The following VPS53 variants were observed in gnomAD, a reference collection of about 807,000 sequenced individuals.
VPS53 encodes the protein vacuolar protein sorting-associated protein 53 homolog.
Under a neutral mutation model 107.0 loss-of-function variants are expected in VPS53, and 70 were observed. That is an observed-to-expected ratio of 0.65 (90% CI 0.54 to 0.80). The LOEUF is 0.80. Among genes scored for constraint, VPS53 ranks in the 30% least tolerant of loss-of-function variants. The pLI is 0.00. For missense variants in VPS53, 917 were observed against 1,049.4 expected, an observed-to-expected ratio of 0.87 and a Z score of 1.74; for synonymous variants, 409 against 393.3, an observed-to-expected ratio of 1.04 and a Z score of -0.47.
At chr17:560,602 C>T (rs1182503577) in intron 14 of VPS53, 29 bp from the exon 15 acceptor site, 8 of 1,600,066 alleles carry the variant, frequency 5.0e-6, no homozygotes, top group African/African-American at 2.7e-5. Flanking sequence ...AACAAGTCAG[C>T]ATGGAATTTC....
At chr17:587,737 G>A (rs16953805) in intron 12 of VPS53, among the ~76,000 whole-genome samples, 7,314 of 152,120 alleles carry the variant, frequency 0.048, 262 homozygotes, top group Middle Eastern at 0.15. Context: ...AAATGACCCT[G>A]AGCCAAACAC....
intron 11 of VPS53, among the ~76,000 whole-genome samples, chr17:605,967 T>C (rs950443504): frequency 2.6e-5 from 4 of 152,034 alleles, no homozygotes; most frequent in Non-Finnish European, 5.9e-5. Flanking sequence ...TCCACTGCTG[T>C]AGGGGAATGG....
chr17:557,855 C>CTTTT (rs773408955), intron 15 of VPS53, among the ~76,000 whole-genome samples: 1 of 125,624 alleles, frequency 8.0e-6, no homozygotes, highest in African/African-American at 2.9e-5. Context: ...TAAGGATTAT[C>CTTTT]TTTTTTTTTT....
At chr17:613,357 T>C (rs1485528180) in intron 11 of VPS53, among the ~76,000 whole-genome samples, 1 of 151,614 alleles carries the variant, frequency 6.6e-6, no homozygotes, top group African/African-American at 2.4e-5. Flanking sequence ...GTTCACACAG[T>C]GAAAACCTGC....
chr17:628,108 G>C lies in VPS53; in HGVS notation c.811C>G (p.Leu271Val). 1 of 1,612,358 alleles carries C rather than the reference G, an allele frequency of 6.2e-7. No homozygotes were observed. Among genetic ancestry groups the C allele is most frequent in the Non-Finnish European group, 8.5e-7 (1 of 1,179,538 alleles). Residue 271 changes from leucine (L) to valine (V), a missense_variant, in exon 9 of 22, where the codon CTT becomes GTT. Transcript: ENST00000437048. ...IKQHLSEYLVLFQENQDVAWL... is the reference protein window; with the variant it reads ...IKQHLSEYLVVFQENQDVAWL... ...CTCACATCTTGGTTTTCTTGAAAAA[G>C]TACCAGATACTCTGACAGATGCTGT... is the stretch of plus-strand genomic sequence containing the variant.
At chr17:655,458 G>A (rs1971150168) in intron 6 of VPS53, among the ~76,000 whole-genome samples, 1 of 152,098 alleles carries the variant, frequency 6.6e-6, no homozygotes, top group Non-Finnish European at 1.5e-5. Context: ...TGTCTGCCTG[G>A]AGTGAATATG....
At chr17:682,124 A>T (rs1425102344) in intron 4 of VPS53, among the ~76,000 whole-genome samples, 1 of 152,236 alleles carries the variant, frequency 6.6e-6, no homozygotes, top group Non-Finnish European at 1.5e-5. Flanking sequence ...CATAGAACAG[A>T]ACACTTTAAA....
chr17:642,040 T>C (rs1265483342), intron 7 of VPS53, among the ~76,000 whole-genome samples: 3 of 152,224 alleles, frequency 2.0e-5, no homozygotes, highest in African/African-American at 4.8e-5. Flanking sequence ...CAGCAAATTA[T>C]GAACATTGTT....
At chr17:558,620 A>G (rs1328813502) in intron 15 of VPS53, among the ~76,000 whole-genome samples, 1 of 148,634 alleles carries the variant, frequency 6.7e-6, no homozygotes, top group Non-Finnish European at 1.5e-5. Flanking sequence ...GGTGACAGAG[A>G]GAGACTCTGT....
At chr17:548,827 T>C (rs1440212362) in intron 17 of VPS53, among the ~76,000 whole-genome samples, 1 of 152,226 alleles carries the variant, frequency 6.6e-6, no homozygotes, top group Non-Finnish European at 1.5e-5. Context: ...CTCTCTTTAC[T>C]CATGTTTTCA....
In VPS53 at chr17:560,652, T is replaced by C. The variant is rs1912864498; in HGVS notation, c.1557-79A>G. 8.5e-6 allele frequency: 13 copies of C among 1,527,670 alleles called. No individual in the cohort carries two copies. In the South Asian group the frequency reaches 1.5e-4, roughly 17 times the overall value. 94.6% of individuals were successfully genotyped at this position (1,527,670 alleles called of 1,614,324 possible). On this transcript the variant is annotated intron_variant, in intron 14 of 21. Coordinates refer to ENST00000437048, the MANE Select transcript of VPS53 (RefSeq NM_001128159.3). ...AACTGGAAACTACATTATTTTAAGA[T>C]ACAGAAAAGGGGGAAGTAAAGGCTG... is the stretch of plus-strand genomic sequence containing the variant.
chr17:552,061 T>G (rs1452007523), intron 16 of VPS53, 111 bp from the exon 17 acceptor site: 1 of 1,014,174 alleles, frequency 9.9e-7, no homozygotes, highest in Non-Finnish European at 1.4e-6. Context: ...TGGCAAAGTT[T>G]GAGCTTTAAT....
intron 11 of VPS53, among the ~76,000 whole-genome samples, chr17:620,306 A>T (rs139817166): frequency 7.2e-5 from 11 of 152,340 alleles, no homozygotes; most frequent in African/African-American, 2.6e-4. Context: ...TCTAAAGACC[A>T]GCCCGATTCA....
At chr17:637,204 T>C (rs1469249418) in intron 7 of VPS53, among the ~76,000 whole-genome samples, 4 of 152,246 alleles carry the variant, frequency 2.6e-5, no homozygotes, top group African/African-American at 7.2e-5. Flanking sequence ...TTTATTTGCA[T>C]AGGGGTGTTT....
At chr17:672,669 C>CATTCATTCAATTAA (rs1972012249) in intron 4 of VPS53, among the ~76,000 whole-genome samples, 2 of 152,144 alleles carry the variant, frequency 1.3e-5, no homozygotes, top group African/African-American at 4.8e-5. Flanking sequence ...GTCTTTTGTT[C>CATTCATTCAATTAA]ATTCATTCAA....
At chr17:712,817 A>G (rs1037266960) in intron 1 of VPS53, among the ~76,000 whole-genome samples, 1 of 152,150 alleles carries the variant, frequency 6.6e-6, no homozygotes, top group Non-Finnish European at 1.5e-5. Flanking sequence ...AATAGCAAAA[A>G]TGTGCTTTTC....
intron 4 of VPS53, among the ~76,000 whole-genome samples, chr17:691,201 C>G (rs1207430943): frequency 6.6e-6 from 1 of 152,138 alleles, no homozygotes; most frequent in Non-Finnish European, 1.5e-5. Context: ...ATTTCAGAAG[C>G]TGTAGTAAGG....
intron 7 of VPS53, chr17:632,632 C>T (rs1416692394): frequency 4.5e-6 from 2 of 444,714 alleles, no homozygotes; most frequent in Non-Finnish European, 9.1e-6. Context: ...ATTTTTGTGC[C>T]CAGTAGCCAT....
At chr17:667,911 G>A (rs186171549) in intron 4 of VPS53, among the ~76,000 whole-genome samples, 19 of 152,220 alleles carry the variant, frequency 1.2e-4, no homozygotes, top group Admixed American at 4.6e-4. Flanking sequence ...CTGCACACGC[G>A]AGGGATCTAG....
Sources: gnomAD v4.1 joint callset for allele counts (sites outside exome capture counted in the v4.1 genomes callset) on GRCh38, gnomAD v4.1.1 for gene constraint, MANE v1.5 for transcripts, NCBI Gene and HGNC (gene_info 2026-07-23, HGNC 2026-07-21) for gene names.